AGAP4: variants seen among roughly 807,000 people sequenced by gnomAD.
AGAP4 encodes the protein arf-GAP with GTPase, ANK repeat and PH domain-containing protein 4.
A neutral mutation model predicts 60.7 loss-of-function variants in AGAP4; 13 were observed. The ratio of observed to expected loss-of-function variants is 0.21; its 90% CI spans 0.14 to 0.34. AGAP4 has a LOEUF of 0.34. AGAP4 is among the 10% of genes least tolerant of loss of function. AGAP4 has a pLI of 1.00. For missense variants in AGAP4, 169 were observed against 884.0 expected, an observed-to-expected ratio of 0.19 and a Z score of 10.26; for synonymous variants, 70 against 339.0, an observed-to-expected ratio of 0.21 and a Z score of 8.72.
chr10:45,830,795 G>T (rs1450388346), intron 6 of AGAP4, among the ~76,000 whole-genome samples: 2 of 126,716 alleles, frequency 1.6e-5, no homozygotes, highest in Non-Finnish European at 3.4e-5. Context: ...TCTTATTGCT[G>T]CTTTAAAGCA....
intron 2 of AGAP4, among the ~76,000 whole-genome samples, chr10:45,846,089 C>T (rs1244389890): frequency 7.0e-6 from 1 of 143,388 alleles, no homozygotes. Flanking sequence ...TGACCATGAA[C>T]CAATCCCCAC....
upstream of AGAP4, among the ~76,000 whole-genome samples, chr10:45,852,232 A>ACAAAC (rs1432181668): frequency 2.1e-5 from 3 of 143,770 alleles, no homozygotes; most frequent in Non-Finnish European, 3.1e-5. Context: ...AAAAAAAAAA[A>ACAAAC]AAAAAAAAAA....
chr10:45,846,773 G>C lies in AGAP4; in HGVS notation c.224-18C>G, dbSNP rs1207713216. ...CTCCAAAGCTATATGTATAGAGGGAGAAAAGAAAAAAGATGTAATCATTTA... is the reference window on the plus strand; with the variant it reads ...CTCCAAAGCTATATGTATAGAGGGACAAAAGAAAAAAGATGTAATCATTTA... On this transcript the variant is annotated intron_variant, in intron 1 of 7. Coordinates refer to ENST00000616763, the MANE Select transcript of AGAP4 (RefSeq NM_001276343.3). 1 of 1,010,348 alleles carries C rather than the reference G, an allele frequency of 9.9e-7. No homozygotes were observed. Among genetic ancestry groups the C allele is most frequent in the Non-Finnish European group, 1.4e-6 (1 of 712,766 alleles). 62.6% of individuals were successfully genotyped at this position (1,010,348 alleles called of 1,614,324 possible).
At chr10:45,852,321 C>T (rs1351468868), upstream of AGAP4, among the ~76,000 whole-genome samples, 1 of 137,902 alleles carries the variant, frequency 7.3e-6, no homozygotes, top group Non-Finnish European at 1.6e-5. Flanking sequence ...GCCTGATACA[C>T]TAAACAAAAC....
At chr10:45,844,533 T>C (rs1380402675) in intron 2 of AGAP4, 139 bp from the exon 3 acceptor site, 71 of 1,458,752 alleles carry the variant, frequency 4.9e-5, no homozygotes, top group South Asian at 3.5e-4. Flanking sequence ...TGTATAGACA[T>C]AAGAGAGAGC....
In AGAP4 at chr10:45,831,941, C is replaced by T. The variant is rs1451592382; in HGVS notation, c.498-512G>A. Among the ~76,000 whole-genome samples the T allele has an allele frequency of 2.8e-3, 420 of 147,438 alleles. 22 individuals carry two copies. The highest frequency in any genetic ancestry group is 0.011 in the Middle Eastern group (3 of 282). On this transcript the variant is annotated intron_variant, in intron 5 of 7. Transcript: ENST00000616763. Reference sequence around the variant, plus strand: ...GGGGGGTGGGGTGGATGGAGTTTCGCTCTTGTTGCCCAGGCTGGAGTGCAA... The same window carrying T: ...GGGGGGTGGGGTGGATGGAGTTTCGTTCTTGTTGCCCAGGCTGGAGTGCAA...
At chr10:45,831,252 C>T in intron 6 of AGAP4, 142 bp downstream of exon 6, 1 of 1,010,670 alleles carries the variant, frequency 9.9e-7, no homozygotes, top group Non-Finnish European at 1.4e-6. Context: ...TCTTAAGGAA[C>T]AAAGAAAATA....
upstream of AGAP4, among the ~76,000 whole-genome samples, chr10:45,848,417 C>T (rs1454427093): frequency 2.7e-5 from 4 of 145,702 alleles, no homozygotes; most frequent in Non-Finnish European, 6.0e-5. Context: ...TTTTCTCATA[C>T]AAAATCGAGA....
chr10:45,848,482 T>C (rs1314142024), upstream of AGAP4, among the ~76,000 whole-genome samples: 106 of 149,966 alleles, frequency 7.1e-4, no homozygotes, highest in East Asian at 0.02. Context: ...ACTCGACATC[T>C]GGCAAGTAGT....
At chr10:45,839,607 C>G (rs1321103859) in intron 4 of AGAP4, among the ~76,000 whole-genome samples, 16 of 121,644 alleles carry the variant, frequency 1.3e-4, no homozygotes, top group African/African-American at 4.9e-4. Context: ...TCAGAAGAAA[C>G]TGAAATGTCT....
chr10:45,839,539 C>G (rs1554898414), intron 4 of AGAP4, among the ~76,000 whole-genome samples: 1 of 129,258 alleles, frequency 7.7e-6, no homozygotes, highest in Non-Finnish European at 1.7e-5. Context: ...TTCGCTAACT[C>G]TGCTTTTCCT....
chr10:45,844,200 A>G, intron 3 of AGAP4, 126 bp downstream of exon 3: 2 of 813,016 alleles, frequency 2.5e-6, no homozygotes, highest in Non-Finnish European at 3.8e-6. Flanking sequence ...TATTAAAATA[A>G]GACAAGGGAA....
upstream of AGAP4, among the ~76,000 whole-genome samples, chr10:45,849,393 G>A (rs1554900061): frequency 1.3e-5 from 2 of 151,462 alleles, no homozygotes; most frequent in African/African-American, 4.9e-5. Context: ...TTTGGGTGGG[G>A]GCATGGCAAA....
chr10:45,849,200 T>C (rs1483044502), upstream of AGAP4, among the ~76,000 whole-genome samples: 16 of 150,336 alleles, frequency 1.1e-4, no homozygotes, highest in African/African-American at 3.9e-4. Flanking sequence ...CACTCCTGCC[T>C]GGACAACAGA....
chr10:45,831,515 C>T lies in AGAP4; in HGVS notation c.498-86G>A, dbSNP rs1407919284. On this transcript the variant is annotated intron_variant, in intron 5 of 7. Coordinates refer to ENST00000616763, the MANE Select transcript of AGAP4 (RefSeq NM_001276343.3). ...TTTTAAAAGGGGGGCAGAGGAAACT[C>T]TCCTAGTGGCCCTGAAATTCAAATC... 1,112 of 1,157,870 alleles carry T rather than the reference C, an allele frequency of 9.6e-4. 26 individuals carry two copies. In the East Asian group the frequency reaches 0.024, roughly 25 times the overall value. 71.7% of individuals were successfully genotyped at this position (1,157,870 alleles called of 1,614,324 possible).
intron 1 of AGAP4, chr10:45,853,629 A>G (rs2059109656): frequency 7.8e-7 from 1 of 1,285,398 alleles, no homozygotes; most frequent in African/African-American, 1.5e-5. Context: ...AAAAAAACAC[A>G]GCCATGGATC....
intron 1 of AGAP4, 28 bp downstream of exon 1, chr10:45,847,097 G>C (rs1189274752): frequency 1.1e-5 from 18 of 1,597,176 alleles, no homozygotes; most frequent in Non-Finnish European, 1.4e-5. Flanking sequence ...GGCAAACCGA[G>C]GGTAGATGGC....
In AGAP4 at chr10:45,844,218, A is replaced by T. The variant is rs1292270908; in HGVS notation, c.361+108T>A. Reference sequence around the variant, plus strand: ...TAAAATAAGACAAGGGAACATGTGAAAAGATGAAAATTTTAAACCAATATG... The same window carrying T: ...TAAAATAAGACAAGGGAACATGTGATAAGATGAAAATTTTAAACCAATATG... On this transcript the variant is annotated intron_variant, in intron 3 of 7. Transcript: ENST00000616763. The T allele has an allele frequency of 7.8e-6, 9 of 1,160,324 alleles. 2 individuals carry two copies. The African/African-American group carries it at 1.5e-4, about 20-fold the overall frequency. The allele number at this position is 1,160,324 out of a possible 1,614,324, so 71.9% of individuals were successfully genotyped here.
chr10:45,831,502 G>A, intron 5 of AGAP4, 73 bp from the exon 6 acceptor site: 3 of 1,348,384 alleles, frequency 2.2e-6, no homozygotes, highest in Non-Finnish European at 2.1e-6. Flanking sequence ...TTAAAAGGGG[G>A]GCAGAGGAAA....
Sources: gnomAD v4.1 joint callset for allele counts (sites outside exome capture counted in the v4.1 genomes callset) on GRCh38, gnomAD v4.1.1 for gene constraint, MANE v1.5 for transcripts, NCBI Gene and HGNC (gene_info 2026-07-23, HGNC 2026-07-21) for gene names.